Variants in ABCB11 observed in about 807,000 individuals in gnomAD.
The protein encoded by ABCB11 is bile salt export pump.
A neutral mutation model predicts 148.0 loss-of-function variants in ABCB11; 95 were observed. The observed-to-expected ratio is 0.64, with a 90% CI of 0.54 to 0.76. The LOEUF (loss-of-function observed/expected upper bound fraction) is 0.76, where lower values mean the gene tolerates loss of function less well. Among genes scored for constraint, ABCB11 ranks in the 30% least tolerant of loss-of-function variants. The pLI is 0.00. For synonymous variants in ABCB11, 591 were observed against 555.4 expected (o/e 1.06, Z -0.90); for missense variants, 1,523 against 1,617.8 (o/e 0.94, Z 1.01).
intron 10 of ABCB11, 97 bp from the exon 11 acceptor site, chr2:168,980,076 C>T: frequency 3.0e-6 from 2 of 656,322 alleles, no homozygotes; most frequent in South Asian, 1.7e-5. Flanking sequence ...AGAGAGTTAT[C>T]AGAAATTCTC....
chr2:168,932,571 G>T (rs1463388088), intron 23 of ABCB11, 38 bp from the exon 24 acceptor site: 1 of 1,604,360 alleles, frequency 6.2e-7, no homozygotes, highest in Non-Finnish European at 8.5e-7. Context: ...GAGCAGGGTG[G>T]CGTGGTTGGT....
chr2:168,952,378 A>T (rs988557707), intron 19 of ABCB11, among the ~76,000 whole-genome samples: 3 of 151,066 alleles, frequency 2.0e-5, no homozygotes, highest in Non-Finnish European at 3.0e-5. Flanking sequence ...TTGTTAGGAA[A>T]TTTTTTATTA....
At position 168,932,494 on chromosome 2, in the gene ABCB11, T is replaced by C. The variant is rs2105891590; in HGVS notation, c.3096A>G (p.Gly1032=). The C allele has an allele frequency of 6.2e-7, 1 of 1,613,712 alleles. No individual in the cohort carries two copies. Among genetic ancestry groups the C allele is most frequent in the Non-Finnish European group, 8.5e-7 (1 of 1,179,778 alleles). ...AACTTGGGGTGTAAGAGAAGGCTCT[T>C]CCAAGAGCTGTTGCACTCAGTACAA... ...SAVVLSATAL[G]RAFSYTPSYA... Residue 1032 remains glycine (G), a synonymous_variant, in exon 24 of 28, where the codon GGA becomes GGG. Coordinates refer to ENST00000650372, the MANE Select transcript of ABCB11 (RefSeq NM_003742.4).
At chr2:169,002,495 G>A (rs10188208) in intron 5 of ABCB11, among the ~76,000 whole-genome samples, 3,887 of 152,104 alleles carry the variant, frequency 0.026, 162 homozygotes, top group African/African-American at 0.087. Context: ...AGATATCTAC[G>A]CTCCCATGCA....
intron 1 of ABCB11, among the ~76,000 whole-genome samples, chr2:169,023,749 A>G (rs1332551571): frequency 2.6e-5 from 4 of 152,230 alleles, no homozygotes; most frequent in African/African-American, 9.6e-5. Context: ...AAATATAAAG[A>G]CTTACCTGAA....
In ABCB11 at chr2:168,927,232, T is replaced by C. The variant is rs759204797; in HGVS notation, c.3542A>G (p.Lys1181Arg). 3.1e-6 allele frequency: 5 copies of C among 1,613,912 alleles called. No individual in the cohort carries two copies. The South Asian group carries it at 3.3e-5, about 11-fold the overall frequency. Residue 1181 changes from lysine to arginine, a missense_variant, in exon 26 of 28, where the codon AAA becomes AGA. Physicochemically the swap from Lys to Arg is conservative, Grantham distance 26. Transcript: ENST00000650372. ...MDNIKYGDNT[K>R]EIPMERVIAA... Reference sequence around the variant, plus strand: ...TATGACTCTTTCCATGGGAATTTCTTTGGTGTTGTCTCCATACTTGATATT... The same window carrying C: ...TATGACTCTTTCCATGGGAATTTCTCTGGTGTTGTCTCCATACTTGATATT...
intron 18 of ABCB11, 133 bp from the exon 19 acceptor site, chr2:168,958,261 G>T (rs1342890768): frequency 2.6e-6 from 2 of 773,840 alleles, no homozygotes; most frequent in Non-Finnish European, 4.0e-6. Flanking sequence ...TATGGGATAT[G>T]GTTGTTTGTT....
intron 5 of ABCB11, among the ~76,000 whole-genome samples, chr2:168,999,005 G>A (rs1694797886): frequency 6.6e-6 from 1 of 152,020 alleles, no homozygotes; most frequent in African/African-American, 2.4e-5. Context: ...GGTCTTTATT[G>A]CCTGAATGTT....
At position 168,971,992 on chromosome 2, in the gene ABCB11, A is replaced by G. The variant is rs752043324; in HGVS notation, c.1493T>C (p.Ile498Thr). 1.3e-5 allele frequency: 21 copies of G among 1,612,842 alleles called. No individual in the cohort carries two copies. The East Asian group carries it at 4.2e-4, about 33-fold the overall frequency. The part of the protein sequence containing the change: ...SLNIQWLRDQ[I>T]GIVEQEPVLF... ...AACTGGCTCTTGCTCCACTATCCCA[A>G]TCTGATCTCTAAGCCACTGAATGTT... Residue 498 changes from isoleucine (I) to threonine (T), a missense_variant, in exon 14 of 28, where the codon ATT becomes ACT. Ile to Thr is a moderately conservative substitution (Grantham distance 89, BLOSUM62 -1). Coordinates refer to ENST00000650372, the MANE Select transcript of ABCB11 (RefSeq NM_003742.4).
Position 168,946,953 on chromosome 2 carries a change from C to T in ABCB11, c.2344-1992G>A, listed in dbSNP as rs117589751. Among the ~76,000 whole-genome samples, 227 of 151,826 alleles carry T rather than the reference C, an allele frequency of 1.5e-3. 2 individuals carry two copies. The East Asian group carries it at 0.034, about 23-fold the overall frequency. ...ATTCAAGGTTGGGCATCTCTCTATC[C>T]ATAATCTTTTTTCACAAAATTCTGC... On this transcript the variant is annotated intron_variant, in intron 19 of 27. Coordinates refer to ENST00000650372, the MANE Select transcript of ABCB11 (RefSeq NM_003742.4).
chr2:168,950,547 AT>A (rs1377963428), intron 19 of ABCB11, among the ~76,000 whole-genome samples: 1 of 151,412 alleles, frequency 6.6e-6, no homozygotes, highest in African/African-American at 2.4e-5. Flanking sequence ...GATGTTGAGC[AT>A]TTTTTTAATG....
intron 18 of ABCB11, among the ~76,000 whole-genome samples, chr2:168,963,577 A>G (rs1390761065): frequency 6.6e-6 from 1 of 151,762 alleles, no homozygotes; most frequent in South Asian, 2.1e-4. Context: ...GTGTATTGCT[A>G]TACATGTTGT....
chr2:168,985,982 C>T, intron 10 of ABCB11, 128 bp downstream of exon 10: 4 of 810,320 alleles, frequency 4.9e-6, no homozygotes, highest in Non-Finnish European at 7.1e-6. Flanking sequence ...TTTCCACAGA[C>T]AGACTCCATA....
At chr2:169,019,226 A>G (rs11892966) in intron 1 of ABCB11, among the ~76,000 whole-genome samples, 22,181 of 152,094 alleles carry the variant, frequency 0.15, 2,636 homozygotes, top group East Asian at 0.35. Context: ...TAAAAGAGAG[A>G]AAGGGGGAGT....
intron 5 of ABCB11, among the ~76,000 whole-genome samples, chr2:169,006,916 G>A (rs1383841465): frequency 1.3e-5 from 2 of 152,116 alleles, no homozygotes; most frequent in African/African-American, 4.8e-5. Context: ...GCAAATAAGT[G>A]GATCACGAAT....
In ABCB11 at chr2:169,018,076, T is replaced by C; in HGVS notation, c.50A>G (p.Asn17Ser). The change falls in exon 2 of 28, where the codon AAT becomes AGT. Residue 17 changes from asparagine (N) to serine (S), a missense_variant. By Grantham distance (46) the Asn-to-Ser change is conservative. Transcript: ENST00000650372. ...TGATTTATCTGACTCAAAACCATCATTCTCCTCTCCAAATTTCTTTATACT... is the reference window on the plus strand; with the variant it reads ...TGATTTATCTGACTCAAAACCATCACTCTCCTCTCCAAATTTCTTTATACT... ...LRSIKKFGEE[N>S]DGFESDKSYN... The C allele has an allele frequency of 1.9e-6, 3 of 1,613,652 alleles. No individual in the cohort carries two copies. The Middle Eastern group carries it at 5.0e-4, about 267-fold the overall frequency.
intron 18 of ABCB11, among the ~76,000 whole-genome samples, chr2:168,961,678 A>G (rs1214909809): frequency 1.3e-5 from 2 of 151,780 alleles, no homozygotes; most frequent in African/African-American, 4.8e-5. Context: ...CCCCGTTTAC[A>G]GGAGCTAAGA....
intron 17 of ABCB11, among the ~76,000 whole-genome samples, chr2:168,964,750 T>C (rs573302259): frequency 6.6e-6 from 1 of 151,972 alleles, no homozygotes; most frequent in South Asian, 2.1e-4. Context: ...TTTAGCATGG[T>C]TACAAATGAT....
At position 168,923,942 on chromosome 2, in the gene ABCB11, G is replaced by T. The variant is rs538920934; in HGVS notation, c.3766-120C>A. 3.2e-5 allele frequency: 28 copies of T among 883,936 alleles called. No homozygotes were observed. The African/African-American group carries it at 4.0e-4, about 13-fold the overall frequency. The allele number at this position is 883,936 out of a possible 1,614,324, so 54.8% of individuals were successfully genotyped here. A position where few individuals can be genotyped will look rare whatever the true frequency, so the allele number is the denominator to read the frequency against. ...CCTATACTTGACGGCAAACCCAAAG[G>T]CTCAACATAAGAGAGGATTAAGCAA... On this transcript the variant is annotated intron_variant, in intron 27 of 27. Transcript: ENST00000650372.
Sources: gnomAD v4.1 joint callset for allele counts (sites outside exome capture counted in the v4.1 genomes callset) on GRCh38, gnomAD v4.1.1 for gene constraint, MANE v1.5 for transcripts, NCBI Gene and HGNC (gene_info 2026-07-23, HGNC 2026-07-21) for gene names.